Variants in PPM1K observed in about 807,000 individuals in gnomAD.
PPM1K encodes the protein protein phosphatase Mn(2+)-dependent 1K.
Under a neutral mutation model 32.6 loss-of-function variants are expected in PPM1K, and 19 were observed. The observed-to-expected ratio is 0.58, with a 90% confidence interval of 0.41 to 0.86. The LOEUF (loss-of-function observed/expected upper bound fraction) is 0.86. Among genes scored for constraint, PPM1K ranks in the 40% least tolerant of loss-of-function variants. PPM1K has a pLI of 0.00. For synonymous variants in PPM1K, 159 were observed against 165.3 expected, an observed-to-expected ratio of 0.96 and a Z score of 0.29; for missense variants, 362 against 461.2, an observed-to-expected ratio of 0.78 and a Z score of 1.97.
chr4:88,262,552 A>G lies in PPM1K; in HGVS notation c.*43T>C, dbSNP rs760544794. 5 of 1,605,054 alleles carry G rather than the reference A, an allele frequency of 3.1e-6. No homozygotes were observed. In the East Asian group the frequency reaches 1.1e-4, roughly 36 times the overall value. ...ATCTTATCAGTTTCTTGACATGCTC[A>G]GTGAAAAACTGTTGCACAGAAACTC... On this transcript the variant is annotated 3_prime_UTR_variant, in exon 7 of 7. Coordinates refer to ENST00000608933, the MANE Select transcript of PPM1K (RefSeq NM_152542.5).
At chr4:88,267,108 G>A (rs1181717441) in intron 5 of PPM1K, among the ~76,000 whole-genome samples, 1 of 147,472 alleles carries the variant, frequency 6.8e-6, no homozygotes, top group Non-Finnish European at 1.5e-5. Context: ...TGCTGATTGG[G>A]TGCAGGTGAT....
chr4:88,270,717 A>T (rs944779162), intron 3 of PPM1K, among the ~76,000 whole-genome samples: 4 of 152,232 alleles, frequency 2.6e-5, no homozygotes, highest in African/African-American at 9.6e-5. Context: ...TTTCATAAGT[A>T]GAAGTTTAGT....
intron 3 of PPM1K, among the ~76,000 whole-genome samples, chr4:88,272,204 A>C (rs945008948): frequency 2.6e-5 from 4 of 152,238 alleles, no homozygotes; most frequent in Non-Finnish European, 5.9e-5. Context: ...GAGCTGAAGC[A>C]GTAGCAGCAC....
At chr4:88,277,072 G>C in intron 3 of PPM1K, 71 bp downstream of exon 3, 1 of 1,167,832 alleles carries the variant, frequency 8.6e-7, no homozygotes, top group South Asian at 1.3e-5. Context: ...AGGACTTAAA[G>C]TGTTTCCTTT....
intron 1 of PPM1K, among the ~76,000 whole-genome samples, chr4:88,279,992 C>G (rs1173923066): frequency 6.6e-6 from 1 of 152,104 alleles, no homozygotes; most frequent in Non-Finnish European, 1.5e-5. Flanking sequence ...AATTACTTTC[C>G]AATGAATTTT....
chr4:88,271,260 T>C, intron 3 of PPM1K: 1 of 353,142 alleles, frequency 2.8e-6, no homozygotes, highest in South Asian at 2.2e-5. Context: ...ATTACAAACC[T>C]GCAACACAGG....
chr4:88,266,508 T>C (rs1731310450), intron 5 of PPM1K, among the ~76,000 whole-genome samples: 1 of 148,322 alleles, frequency 6.7e-6, no homozygotes, highest in African/African-American at 2.5e-5. Context: ...GCTGAATGGG[T>C]GCAGGTGATG....
intron 5 of PPM1K, among the ~76,000 whole-genome samples, chr4:88,266,092 T>C (rs1339049695): frequency 6.6e-6 from 1 of 152,228 alleles, no homozygotes; most frequent in Non-Finnish European, 1.5e-5. Context: ...TGAAGTGGGA[T>C]ATCTATAACA....
intron 5 of PPM1K, among the ~76,000 whole-genome samples, chr4:88,267,210 G>GTGATGCTGGCTGATTGGGTGCAGA (rs1448821211): frequency 6.6e-6 from 1 of 150,986 alleles, no homozygotes; most frequent in Non-Finnish European, 1.5e-5. Context: ...TTGGGTGCAG[G>GTGATGCTGGCTGATTGGGTGCAGA]TGATGCTGGC....
rs1410747349 is a variant in PPM1K at position 88,262,471 on chromosome 4, T to A, written c.*124A>T. ...ATGAGCATTTATGAAAAAACTACTA[T>A]CTAAGTGGTTTACACTGACTTGTGC... On this transcript the variant is annotated 3_prime_UTR_variant, in exon 7 of 7. Transcript: ENST00000608933. 1 of 990,868 alleles carries A rather than the reference T, an allele frequency of 1.0e-6. No individual in the cohort carries two copies. Among genetic ancestry groups the A allele is most frequent in the South Asian group, 1.7e-5 (1 of 57,858 alleles). 61.4% of individuals were successfully genotyped at this position (990,868 alleles called of 1,614,324 possible).
intron 3 of PPM1K, among the ~76,000 whole-genome samples, chr4:88,274,164 CT>C (rs1160813028): frequency 6.6e-6 from 1 of 152,220 alleles, no homozygotes; most frequent in Non-Finnish European, 1.5e-5. Flanking sequence ...AGCAATGCTG[CT>C]TCAGTAGGAC....
At chr4:88,263,422 T>C (rs1384656609) in intron 6 of PPM1K, among the ~76,000 whole-genome samples, 1 of 152,168 alleles carries the variant, frequency 6.6e-6, no homozygotes, top group Admixed American at 6.5e-5. Context: ...TAGAACATTG[T>C]GTATTCTTTC....
chr4:88,268,229 G>A lies in PPM1K; in HGVS notation c.813C>T (p.Thr271=). ...TTTCAGGTTCTGCTATGACACCACT[G>A]GTCTTAAGGTCCAAATCTCCAATAC... ...TRSIGDLDLK[T]SGVIAEPETK... Residue 271 remains threonine (T), a synonymous_variant, in exon 5 of 7, where the codon ACC becomes ACT. Transcript: ENST00000608933. The A allele has an allele frequency of 3.1e-6, 5 of 1,614,070 alleles. No individual in the cohort carries two copies. The highest frequency in any genetic ancestry group is 4.2e-6 in the Non-Finnish European group (5 of 1,180,002).
At chr4:88,272,877 A>C (rs897750383) in intron 3 of PPM1K, among the ~76,000 whole-genome samples, 1 of 152,202 alleles carries the variant, frequency 6.6e-6, no homozygotes, top group Non-Finnish European at 1.5e-5. Context: ...ATAAGCTTTT[A>C]TTATATTTTA....
At chr4:88,268,383 G>A in intron 4 of PPM1K, 49 bp from the exon 5 acceptor site, 1 of 1,597,600 alleles carries the variant, frequency 6.3e-7, no homozygotes, top group Non-Finnish European at 8.6e-7. Flanking sequence ...AACCCTTTGG[G>A]AGGCCAAGGA....
intron 5 of PPM1K, among the ~76,000 whole-genome samples, chr4:88,267,790 T>C (rs922517881): frequency 6.6e-6 from 1 of 152,244 alleles, no homozygotes; most frequent in Non-Finnish European, 1.5e-5. Flanking sequence ...CTATGCAGGA[T>C]CTATGGCTAT....
chr4:88,262,463 AACT>A lies in PPM1K; in HGVS notation c.*129_*131del, dbSNP rs1322417701. 1.1e-6 allele frequency: 1 copy of A among 908,808 alleles called. No individual in the cohort carries two copies. The highest frequency in any genetic ancestry group is 1.7e-5 in the African/African-American group (1 of 59,336). 56.3% of individuals were successfully genotyped at this position (908,808 alleles called of 1,614,324 possible). On this transcript the variant is annotated 3_prime_UTR_variant, in exon 7 of 7. Coordinates refer to ENST00000608933, the MANE Select transcript of PPM1K (RefSeq NM_152542.5). ...TAAATATGATGAGCATTTATGAAAAAACTACTATCTAAGTGGTTTACACTGACT... is the reference window on the plus strand; with the variant it reads ...TAAATATGATGAGCATTTATGAAAAAACTATCTAAGTGGTTTACACTGACT...
Position 88,278,398 on chromosome 4 carries a change from G to C in PPM1K, c.186C>G (p.Asp62Glu), listed in dbSNP as rs201082002. 1.9e-5 allele frequency: 30 copies of C among 1,614,038 alleles called. No individual in the cohort carries two copies. Among genetic ancestry groups the C allele is most frequent in the Non-Finnish European group, 2.2e-5 (26 of 1,180,040 alleles). ...PDGSGSPATW[D>E]NFGIWDNRID... is the part of the protein sequence containing the mutation. ...TGCGGTTATCCCAGATCCCAAAATT[G>C]TCCCAGGTAGCTGGACTCCCACTAC... Residue 62 changes from aspartate (D) to glutamate (E), a missense_variant, in exon 2 of 7, where the codon GAC (aspartate) becomes GAG (glutamate). Coordinates refer to ENST00000608933, the MANE Select transcript of PPM1K (RefSeq NM_152542.5). This position sits in a 1 kb window ranked among gnomAD's most constrained non-coding sequence, Gnocchi z 4.2.
At chr4:88,262,812 T>C (rs1731171983) in intron 6 of PPM1K, 86 bp from the exon 7 acceptor site, 1 of 1,450,132 alleles carries the variant, frequency 6.9e-7, no homozygotes, top group African/African-American at 1.4e-5. Context: ...CCCTTGGAAA[T>C]ACGCTTCCCC....
Sources: allele counts gnomAD v4.1 joint callset (sites outside exome capture counted in the v4.1 genomes callset), GRCh38; gene constraint gnomAD v4.1.1; non-coding constraint Gnocchi (gnomAD v3.1); transcripts MANE v1.5; gene names NCBI Gene and HGNC (gene_info 2026-07-23, HGNC 2026-07-21).